The following TET1 variants were observed in gnomAD, a reference collection of about 807,000 sequenced individuals.
TET1 encodes tet methylcytosine dioxygenase 1, also known as methylcytosine dioxygenase TET1.
In TET1, 13 loss-of-function variants were observed where a neutral mutation model predicts 148.7. The ratio of observed to expected loss-of-function variants is 0.09; its 90% confidence interval spans 0.06 to 0.14. The LOEUF (loss-of-function observed/expected upper bound fraction) is 0.14, where lower values mean the gene tolerates loss of function less well. Ranked by LOEUF, TET1 falls within the 10% of genes least tolerant of loss-of-function variation. The pLI is 1.00. For missense variants in TET1, 2,182 were observed against 2,553.8 expected (o/e 0.85, Z 3.14); for synonymous variants, 907 against 937.2 (o/e 0.97, Z 0.59).
At chr10:68,641,655 T>A (rs2133070187) in intron 3 of TET1, among the ~76,000 whole-genome samples, 1 of 83,002 alleles carries the variant, frequency 1.2e-5, no homozygotes, top group East Asian at 3.9e-4. Flanking sequence ...TACGCCACCC[T>A]GCCCGGCTAA....
chr10:68,673,189 A>G (rs1214605114), intron 8 of TET1, 144 bp downstream of exon 8: 3 of 500,376 alleles, frequency 6.0e-6, no homozygotes, highest in Admixed American at 4.0e-5. Context: ...TTTCTATTAT[A>G]TAAGTAAATA....
intron 4 of TET1, among the ~76,000 whole-genome samples, chr10:68,648,928 A>G (rs2054890450): frequency 6.6e-6 from 1 of 152,214 alleles, no homozygotes. Flanking sequence ...CAGTTTTGAC[A>G]AACTGCAATG....
Position 68,572,372 on chromosome 10 carries a change from T to A in TET1, c.34T>A (p.Leu12Ile). The A allele has an allele frequency of 6.2e-7, 1 of 1,606,850 alleles. No individual in the cohort carries two copies. Residue 12 changes from leucine to isoleucine, a missense_variant, in exon 2 of 12, where the codon TTA becomes ATA. Physicochemically the swap from Leu to Ile is conservative, Grantham distance 5 (BLOSUM62 2). Around this residue, in one of 11 missense-constraint regions of TET1, gnomAD observed 665 missense variants for 672.4 expected, o/e 0.99. Coordinates refer to ENST00000373644, the MANE Select transcript of TET1 (RefSeq NM_030625.3). ...ATCCCGCCATGCAAGGCCTTCCAGA[T>A]TAGTCAGGAAGGAAGATGTAAACAA... ...SRSRHARPSRLVRKEDVNKKK... is the reference protein window; with the variant it reads ...SRSRHARPSRIVRKEDVNKKK...
chr10:68,683,423 C>T (rs1383511768), intron 10 of TET1, among the ~76,000 whole-genome samples: 3 of 152,230 alleles, frequency 2.0e-5, no homozygotes, highest in Middle Eastern at 3.4e-3. Flanking sequence ...GGGCTACAGG[C>T]GCCCACGACC....
chr10:68,643,755 G>A (rs2054796390), intron 3 of TET1, among the ~76,000 whole-genome samples: 1 of 151,818 alleles, frequency 6.6e-6, no homozygotes. Context: ...AGAGGTTGCA[G>A]TGATCTGAGA....
At chr10:68,593,678 T>C (rs2053945501) in intron 2 of TET1, among the ~76,000 whole-genome samples, 1 of 152,026 alleles carries the variant, frequency 6.6e-6, no homozygotes, top group Non-Finnish European at 1.5e-5. Flanking sequence ...AATGGTGCGA[T>C]CTCGGCTCAC....
chr10:68,603,459 C>T (rs924089578), intron 3 of TET1, among the ~76,000 whole-genome samples: 1 of 152,046 alleles, frequency 6.6e-6, no homozygotes, highest in Non-Finnish European at 1.5e-5. Context: ...TGTCTTATAT[C>T]CCTCTCCTCT....
chr10:68,685,168 A>G (rs2055492719), intron 10 of TET1, among the ~76,000 whole-genome samples: 1 of 152,172 alleles, frequency 6.6e-6, no homozygotes, highest in Non-Finnish European at 1.5e-5. Flanking sequence ...GGCAGGAGAA[A>G]CACTCAAACC....
intron 3 of TET1, among the ~76,000 whole-genome samples, chr10:68,610,050 G>A (rs949653656): frequency 1.6e-4 from 25 of 152,218 alleles, no homozygotes; most frequent in Admixed American, 6.6e-4. Flanking sequence ...GTGGGAGGCC[G>A]AGACAGGAGG....
At position 68,668,976 on chromosome 10, in the gene TET1, G is replaced by GGAGAGA. The variant is rs56945020; in HGVS notation, c.4673+1739_4673+1744dup. 8.4e-3 allele frequency among the ~76,000 whole-genome samples: 1,252 copies of GGAGAGA among 148,654 alleles called. 21 individuals are homozygous for GGAGAGA. The highest frequency in any genetic ancestry group is 0.024 in the African/African-American group (981 of 40,554). On this transcript the variant is annotated intron_variant, in intron 7 of 11. Coordinates refer to ENST00000373644, the MANE Select transcript of TET1 (RefSeq NM_030625.3). ...CTCCAACCTGAGCAACATGGCAAAA[G>GGAGAGA]GAGAGAGAGAGAGAGAGAGAGAGAA...
intron 6 of TET1, among the ~76,000 whole-genome samples, chr10:68,664,122 G>T (rs953927304): frequency 6.6e-6 from 1 of 151,892 alleles, no homozygotes; most frequent in Admixed American, 6.6e-5. Context: ...CATGAGCCAC[G>T]GTGCCGGCCT....
At chr10:68,580,311 CA>C (rs1272420779) in intron 2 of TET1, among the ~76,000 whole-genome samples, 1 of 115,258 alleles carries the variant, frequency 8.7e-6, no homozygotes, top group Non-Finnish European at 1.8e-5. Flanking sequence ...TTATTATATT[CA>C]ATTTTTTTTT....
intron 11 of TET1, 131 bp from the exon 12 acceptor site, chr10:68,690,677 C>A (rs2055577843): frequency 9.4e-6 from 8 of 849,214 alleles, no homozygotes; most frequent in Non-Finnish European, 1.4e-5. Flanking sequence ...ATGAACAGAA[C>A]AAAACCAACC....
In TET1 at chr10:68,667,117, A is replaced by G. The variant is rs774794843; in HGVS notation, c.4534A>G (p.Thr1512Ala). Residue 1512 changes from threonine to alanine, a missense_variant, in exon 7 of 12, where the codon ACT (threonine) becomes GCT (alanine). This residue lies in a region of TET1 where 169 missense variants were observed against 263.7 expected (regional missense o/e 0.64). Coordinates refer to ENST00000373644, the MANE Select transcript of TET1 (RefSeq NM_030625.3). The stretch of plus-strand genomic sequence containing the variant: ...GCAGCGTACAGGCCACCACTGTCCA[A>G]CTGCTGTGATGGTGGTGCTCATCAT... ...VRQRTGHHCP[T>A]AVMVVLIMVW... The G allele has an allele frequency of 1.9e-6, 3 of 1,614,166 alleles. No individual in the cohort carries two copies. The East Asian group carries it at 6.7e-5, about 36-fold the overall frequency.
At chr10:68,593,603 A>T (rs1020090181) in intron 2 of TET1, among the ~76,000 whole-genome samples, 18 of 151,536 alleles carry the variant, frequency 1.2e-4, no homozygotes, top group African/African-American at 4.1e-4. Context: ...ATACCTGGCT[A>T]ATTTTTGTAT....
Position 68,646,804 on chromosome 10 carries a change from G to C in TET1, c.4075G>C (p.Val1359Leu), listed in dbSNP as rs778533319. The change falls in exon 4 of 12, where the codon GTG (valine) becomes CTG (leucine). Residue 1359 changes from valine to leucine, a missense_variant. Transcript: ENST00000373644. ...SALTLRNVNV[V>L]CSGGITVVST... is the part of the protein sequence containing the mutation. Reference sequence around the variant, plus strand: ...ACTAACTCTCAGGAATGTAAATGTAGTGTGTTCAGGTGGAATTACAGTGGT... The same window carrying C: ...ACTAACTCTCAGGAATGTAAATGTACTGTGTTCAGGTGGAATTACAGTGGT... The C allele has an allele frequency of 8.7e-6, 14 of 1,614,072 alleles. No homozygotes were observed. Among genetic ancestry groups the C allele is most frequent in the Non-Finnish European group, 1.2e-5 (14 of 1,180,050 alleles).
chr10:68,628,772 G>T (rs2054525982), intron 3 of TET1, among the ~76,000 whole-genome samples: 1 of 152,126 alleles, frequency 6.6e-6, no homozygotes, highest in East Asian at 1.9e-4. Flanking sequence ...ATAGCATTTG[G>T]CAAGGCTCCA....
intron 6 of TET1, among the ~76,000 whole-genome samples, chr10:68,656,703 A>G (rs1036759578): frequency 6.6e-6 from 1 of 152,232 alleles, no homozygotes; most frequent in Admixed American, 6.5e-5. Context: ...GAGTGAATGA[A>G]TATGGAGCTT....
At chr10:68,669,325 T>C (rs2055237573) in intron 7 of TET1, among the ~76,000 whole-genome samples, 1 of 151,996 alleles carries the variant, frequency 6.6e-6, no homozygotes, top group South Asian at 2.1e-4. Flanking sequence ...CCTTTTTTCT[T>C]TTTGAGACAG....
Sources: allele counts gnomAD v4.1 joint callset (sites outside exome capture counted in the v4.1 genomes callset), GRCh38; gene constraint gnomAD v4.1.1; regional missense constraint gnomAD v4.1.1; transcripts MANE v1.5; gene names NCBI Gene and HGNC (gene_info 2026-07-23, HGNC 2026-07-21).